Variants in VWCE observed in about 807,000 individuals in gnomAD.
VWCE encodes von Willebrand factor C and EGF domain-containing protein.
A neutral mutation model predicts 102.9 loss-of-function variants in VWCE; 68 were observed. The observed-to-expected ratio is 0.66, with a 90% confidence interval of 0.54 to 0.81. The LOEUF (loss-of-function observed/expected upper bound fraction) is 0.81. Ranked by LOEUF, VWCE falls within the 30% of genes least tolerant of loss-of-function variation. The pLI is 0.00. For synonymous variants in VWCE, 497 were observed against 515.4 expected (o/e 0.96, Z 0.48); for missense variants, 1,137 against 1,263.6 (o/e 0.90, Z 1.52).
chr11:61,265,915 G>A (rs1854498740), intron 16 of VWCE, among the ~76,000 whole-genome samples: 1 of 152,032 alleles, frequency 6.6e-6, no homozygotes, highest in Admixed American at 6.6e-5. Flanking sequence ...GCGTGGTGGT[G>A]CGCACCTGTA....
intron 14 of VWCE, chr11:61,271,090 C>T (rs981622795): frequency 1.3e-5 from 2 of 153,710 alleles, no homozygotes; most frequent in African/African-American, 4.8e-5. Context: ...AGCAATCTTC[C>T]CACCTCAGCT....
intron 4 of VWCE, among the ~76,000 whole-genome samples, 154 bp downstream of exon 4, chr11:61,290,645 T>C (rs1166459993): frequency 6.6e-6 from 1 of 152,182 alleles, no homozygotes; most frequent in Non-Finnish European, 1.5e-5. Context: ...ACATTTCTTT[T>C]GTTCTCATGT....
At chr11:61,289,683 TACATACACAC>T (rs1855438072) in intron 4 of VWCE, among the ~76,000 whole-genome samples, 2 of 152,116 alleles carry the variant, frequency 1.3e-5, no homozygotes, top group Admixed American at 1.3e-4. Flanking sequence ...ATGCTTAACA[TACATACACAC>T]ACATACACAC....
chr11:61,291,145 T>C, intron 3 of VWCE, 119 bp downstream of exon 3: 1 of 1,236,448 alleles, frequency 8.1e-7, no homozygotes, highest in Non-Finnish European at 1.1e-6. Context: ...ACAAAATGTC[T>C]ACCTAATGGA....
At position 61,259,200 on chromosome 11, in the gene VWCE, G is replaced by C. The variant is rs140374882; in HGVS notation, c.2343C>G (p.Ser781Arg). 1 of 1,614,066 alleles carries C rather than the reference G, an allele frequency of 6.2e-7. No homozygotes were observed. The highest frequency in any genetic ancestry group is 1.3e-5 in the African/African-American group (1 of 74,934). ...ATGCTGTCGGGGGCCCAGGACAGGAGCTACAGTTGACAGGGGCCTCAGTGT... is the reference window on the plus strand; with the variant it reads ...ATGCTGTCGGGGGCCCAGGACAGGACCTACAGTTGACAGGGGCCTCAGTGT... ...HGDTEAPVNC[S>R]SCPGPPTASP... Residue 781 changes from serine to arginine, a missense_variant, in exon 20 of 20, where the codon AGC (serine) becomes AGG (arginine). Ser to Arg is a moderately radical substitution (Grantham distance 110). This residue lies in a region of VWCE where 316 missense variants were observed against 319.3 expected (regional missense o/e 0.99). Coordinates refer to ENST00000335613, the MANE Select transcript of VWCE (RefSeq NM_152718.2).
intron 11 of VWCE, 89 bp from the exon 12 acceptor site, chr11:61,274,673 G>A: frequency 1.7e-6 from 2 of 1,148,790 alleles, no homozygotes; most frequent in South Asian, 1.3e-5. Flanking sequence ...GAGCCCCGGG[G>A]CACTTAACAC....
chr11:61,284,460 G>A (rs191273985), intron 5 of VWCE, among the ~76,000 whole-genome samples: 122 of 152,312 alleles, frequency 8.0e-4, no homozygotes, highest in African/African-American at 2.8e-3. Context: ...GAGGGGCAAG[G>A]AGGGCACACA....
intron 1 of VWCE, among the ~76,000 whole-genome samples, chr11:61,292,389 G>C (rs1168127316): frequency 6.6e-6 from 1 of 152,156 alleles, no homozygotes; most frequent in African/African-American, 2.4e-5. Flanking sequence ...TGTGACATTA[G>C]ATTTTAATTT....
intron 10 of VWCE, 28 bp downstream of exon 10, chr11:61,278,366 G>C: frequency 1.9e-6 from 3 of 1,612,884 alleles, no homozygotes; most frequent in Non-Finnish European, 2.5e-6. Context: ...AAACACCCAC[G>C]AGGCTTTGAG....
At position 61,280,645 on chromosome 11, in the gene VWCE, C is replaced by T; in HGVS notation, c.1303G>A (p.Gly435Arg). The T allele has an allele frequency of 6.2e-7, 1 of 1,614,110 alleles. No homozygotes were observed. ...CSHPIPSRDG[G>R]CCPSCTGCFH... The stretch of plus-strand genomic sequence containing the variant: ...TCACCTGTGCACGATGGGCAGCACC[C>T]ACCATCTCTGGAGGGAATTGGGTGG... The change falls in exon 9 of 20, where the codon GGG becomes AGG. Residue 435 changes from glycine to arginine, a missense_variant. By Grantham distance (125) the Gly-to-Arg change is moderately radical. This residue lies in a region of VWCE where 575 missense variants were observed against 625.9 expected (regional missense o/e 0.92). Coordinates refer to ENST00000335613, the MANE Select transcript of VWCE (RefSeq NM_152718.2).
chr11:61,286,369 A>G lies in VWCE; in HGVS notation c.486T>C (p.Phe162=). 1 of 1,612,568 alleles carries G rather than the reference A, an allele frequency of 6.2e-7. No individual in the cohort carries two copies. The highest frequency in any genetic ancestry group is 1.1e-5 in the South Asian group (1 of 91,086). ...GCATGCCCGGCCCACACTCGCACAC[A>G]AACCCACCTTCTGTGTTCACACAGT... The part of the protein sequence containing the change: ...EGHCVNTEGG[F]VCECGPGMQL... The change falls in exon 5 of 20, where the codon TTT becomes TTC. Residue 162 remains phenylalanine (F), a synonymous_variant. Transcript: ENST00000335613.
intron 5 of VWCE, 184 bp downstream of exon 5, chr11:61,286,130 G>A (rs1256750566): frequency 1.5e-6 from 1 of 673,126 alleles, no homozygotes; most frequent in African/African-American, 1.8e-5. Flanking sequence ...ACTTGGCCTT[G>A]GGCAAGCCTC....
chr11:61,269,624 T>C (rs1854616227), intron 14 of VWCE, among the ~76,000 whole-genome samples: 1 of 151,582 alleles, frequency 6.6e-6, no homozygotes, highest in Admixed American at 6.6e-5. Context: ...TTTTGTATAT[T>C]TAGTAGAGAT....
At chr11:61,268,294 C>G (rs1289012782) in intron 15 of VWCE, among the ~76,000 whole-genome samples, 1 of 152,076 alleles carries the variant, frequency 6.6e-6, no homozygotes. Flanking sequence ...TGGCTCATGC[C>G]TGTAATCCCA....
intron 12 of VWCE, 142 bp downstream of exon 12, chr11:61,274,357 C>A: frequency 1.5e-6 from 1 of 683,910 alleles, no homozygotes; most frequent in Non-Finnish European, 2.5e-6. Context: ...CTGGGGGATC[C>A]CTGTAGTGCC....
rs753716685 is a variant in VWCE, at chr11:61,281,801, G to T, written c.772C>A (p.Arg258Ser). The change falls in exon 7 of 20, where the codon CGC (arginine) becomes AGC (serine). Residue 258 changes from arginine to serine, a missense_variant. By Grantham distance (110) the Arg-to-Ser change is moderately radical (BLOSUM62 -1). Around this residue, in one of 5 missense-constraint regions of VWCE, gnomAD observed 575 missense variants for 625.9 expected, o/e 0.92. Coordinates refer to ENST00000335613, the MANE Select transcript of VWCE (RefSeq NM_152718.2). ...TGGCGCTCACCTTCACAGGACACGC[G>T]GTCAGCTCGGAGCCTGAAGCCAGGT... ...CRPGFRLRAD[R>S]VSCEAFPKAV... 1 of 1,613,150 alleles carries T rather than the reference G, an allele frequency of 6.2e-7. No individual in the cohort carries two copies. The highest frequency in any genetic ancestry group is 1.1e-5 in the South Asian group (1 of 90,854).
At chr11:61,262,552 C>T (rs1854391327) in intron 19 of VWCE, among the ~76,000 whole-genome samples, 1 of 152,106 alleles carries the variant, frequency 6.6e-6, no homozygotes, top group Non-Finnish European at 1.5e-5. Context: ...GGACTAATAT[C>T]CACTAGCATG....
intron 13 of VWCE, 109 bp from the exon 14 acceptor site, chr11:61,271,869 C>T (rs1854716989): frequency 2.2e-6 from 2 of 894,662 alleles, no homozygotes; most frequent in African/African-American, 1.7e-5. Flanking sequence ...ATATCACTCA[C>T]ACACGGACAC....
At chr11:61,273,484 A>G (rs1854801777) in intron 12 of VWCE, among the ~76,000 whole-genome samples, 168 bp from the exon 13 acceptor site, 1 of 152,132 alleles carries the variant, frequency 6.6e-6, no homozygotes, top group Non-Finnish European at 1.5e-5. Flanking sequence ...CAAGGAGCAC[A>G]ACAGTGGGGT....
Sources: gnomAD v4.1 joint callset for allele counts (sites outside exome capture counted in the v4.1 genomes callset) on GRCh38, gnomAD v4.1.1 for gene constraint, gnomAD v4.1.1 regional missense constraint, MANE v1.5 for transcripts, NCBI Gene and HGNC (gene_info 2026-07-23, HGNC 2026-07-21) for gene names.